B3GLCT: variants seen among roughly 807,000 people sequenced by gnomAD.
B3GLCT encodes the protein beta-1,3-glucosyltransferase.
In B3GLCT, 65 loss-of-function variants were observed where a neutral mutation model predicts 63.4. The ratio of observed to expected loss-of-function variants is 1.03; its 90% CI spans 0.84 to 1.26. The LOEUF is 1.26. Among genes scored for constraint, B3GLCT ranks in the 50% most tolerant of loss-of-function variants. The pLI, the probability that B3GLCT is intolerant of heterozygous loss-of-function variation, is 0.00. For missense variants in B3GLCT, 577 were observed against 604.8 expected, an observed-to-expected ratio of 0.95 and a Z score of 0.48; for synonymous variants, 233 against 219.2, an observed-to-expected ratio of 1.06 and a Z score of -0.55.
chr13:31,310,666 C>T (rs576264063), intron 12 of B3GLCT, among the ~76,000 whole-genome samples: 10 of 152,306 alleles, frequency 6.6e-5, no homozygotes, highest in Admixed American at 2.6e-4. Context: ...GACATGCCCC[C>T]ATTCACGAAA....
At chr13:31,326,975 T>C (rs1236177077) in intron 14 of B3GLCT, among the ~76,000 whole-genome samples, 1 of 152,206 alleles carries the variant, frequency 6.6e-6, no homozygotes, top group Admixed American at 6.5e-5. Context: ...GATGCATTTC[T>C]ATCTTCAACA....
chr13:31,215,856 G>A (rs117807538), intron 2 of B3GLCT, among the ~76,000 whole-genome samples: 2,976 of 152,284 alleles, frequency 0.02, 42 homozygotes, highest in Non-Finnish European at 0.028. Context: ...GCCTGGGCGG[G>A]AGACCCAAAG....
chr13:31,282,466 T>C (rs1439914831), intron 10 of B3GLCT, among the ~76,000 whole-genome samples: 2 of 151,908 alleles, frequency 1.3e-5, no homozygotes, highest in African/African-American at 4.8e-5. Flanking sequence ...GGTGAAACCC[T>C]GTCTCTACTA....
At chr13:31,286,605 A>T in intron 11 of B3GLCT, 115 bp from the exon 12 acceptor site, 4 of 717,260 alleles carry the variant, frequency 5.6e-6, no homozygotes, top group Non-Finnish European at 9.3e-6. Context: ...TGAACTTTTA[A>T]GCTGCATTTT....
intron 12 of B3GLCT, among the ~76,000 whole-genome samples, chr13:31,292,506 C>T (rs973494420): frequency 2.0e-5 from 3 of 152,094 alleles, no homozygotes; most frequent in African/African-American, 7.2e-5. Context: ...TTGGTCTATT[C>T]AGGGATTTTA....
chr13:31,228,235 C>T (rs1301579976), intron 3 of B3GLCT, among the ~76,000 whole-genome samples: 1 of 152,172 alleles, frequency 6.6e-6, no homozygotes, highest in African/African-American at 2.4e-5. Context: ...CTGGAGATAA[C>T]ACCTAATCCT....
intron 12 of B3GLCT, among the ~76,000 whole-genome samples, chr13:31,305,409 C>A (rs1874374048): frequency 1.3e-5 from 1 of 78,966 alleles, no homozygotes; most frequent in Non-Finnish European, 2.6e-5. Flanking sequence ...TTGAAAGGAT[C>A]AACAAAATTG....
At chr13:31,328,547 G>T (rs191881650) in intron 14 of B3GLCT, among the ~76,000 whole-genome samples, 4 of 152,006 alleles carry the variant, frequency 2.6e-5, no homozygotes, top group Non-Finnish European at 4.4e-5. Context: ...ACAAAAATTA[G>T]CCAGGCATGG....
At chr13:31,318,876 A>G (rs1485437014) in intron 13 of B3GLCT, among the ~76,000 whole-genome samples, 1 of 152,204 alleles carries the variant, frequency 6.6e-6, no homozygotes, top group African/African-American at 2.4e-5. Context: ...TTTTTAACAC[A>G]GAAGTGACTT....
chr13:31,217,527 C>A (rs960957735), intron 2 of B3GLCT, among the ~76,000 whole-genome samples: 8 of 152,112 alleles, frequency 5.3e-5, no homozygotes, highest in Non-Finnish European at 8.8e-5. Flanking sequence ...GACCAATGCC[C>A]AGATGGTATT....
intron 12 of B3GLCT, among the ~76,000 whole-genome samples, chr13:31,313,782 T>C (rs1874846941): frequency 6.6e-6 from 1 of 152,154 alleles, no homozygotes; most frequent in South Asian, 2.1e-4. Flanking sequence ...TGTCTCCAGG[T>C]CATGTCAGAG....
chr13:31,292,245 C>T (rs1873700500), intron 12 of B3GLCT, among the ~76,000 whole-genome samples: 2 of 152,108 alleles, frequency 1.3e-5, no homozygotes, highest in East Asian at 3.9e-4. Context: ...TTCACATCAA[C>T]GTTCATCAGG....
chr13:31,247,707 C>G, intron 5 of B3GLCT, 148 bp from the exon 6 acceptor site: 1 of 540,238 alleles, frequency 1.9e-6, no homozygotes, highest in Middle Eastern at 5.1e-4. Flanking sequence ...TAGCATCTGG[C>G]TTTTCTATAA....
At chr13:31,313,127 G>A (rs1159616734) in intron 12 of B3GLCT, among the ~76,000 whole-genome samples, 1 of 152,150 alleles carries the variant, frequency 6.6e-6, no homozygotes, top group Admixed American at 6.6e-5. Flanking sequence ...AGCTTTATTA[G>A]CTAGGGTATT....
chr13:31,242,975 C>T (rs1032809975), intron 4 of B3GLCT, among the ~76,000 whole-genome samples: 1 of 152,138 alleles, frequency 6.6e-6, no homozygotes, highest in African/African-American at 2.4e-5. Context: ...GTAAATCTGT[C>T]TGATACATGT....
chr13:31,245,601 T>C (rs1195457988), intron 4 of B3GLCT, among the ~76,000 whole-genome samples: 1 of 152,158 alleles, frequency 6.6e-6, no homozygotes, highest in Non-Finnish European at 1.5e-5. Context: ...AATTGATACA[T>C]AATAACTCAT....
At chr13:31,206,003 A>G (rs1289861025) in intron 1 of B3GLCT, among the ~76,000 whole-genome samples, 1 of 152,240 alleles carries the variant, frequency 6.6e-6, no homozygotes, top group Non-Finnish European at 1.5e-5. Flanking sequence ...GATATATTTT[A>G]GTTTATATCA....
intron 1 of B3GLCT, among the ~76,000 whole-genome samples, 195 bp downstream of exon 1, chr13:31,200,349 G>C (rs974960942): frequency 6.7e-6 from 1 of 148,934 alleles, no homozygotes; most frequent in African/African-American, 2.4e-5. Flanking sequence ...GTGGGACCCG[G>C]GCCCGGGACC....
At chr13:31,322,337 C>T (rs1875368571) in intron 13 of B3GLCT, among the ~76,000 whole-genome samples, 1 of 152,258 alleles carries the variant, frequency 6.6e-6, no homozygotes, top group Non-Finnish European at 1.5e-5. Flanking sequence ...CCTACATCGT[C>T]TTGATCTGCA....
Sources: gnomAD v4.1 joint callset for allele counts (sites outside exome capture counted in the v4.1 genomes callset) on GRCh38, gnomAD v4.1.1 for gene constraint, MANE v1.5 for transcripts, NCBI Gene and HGNC (gene_info 2026-07-23, HGNC 2026-07-21) for gene names.